Variants in LASP1 observed in about 807,000 individuals in gnomAD.
LASP1 encodes LIM and SH3 protein 1.
A neutral mutation model predicts 38.6 loss-of-function variants in LASP1; 10 were observed. The observed-to-expected ratio is 0.26, with a 90% CI of 0.16 to 0.44. The LOEUF is 0.44. LASP1 is among the 20% of genes least tolerant of loss of function. The pLI is 1.00. For missense variants in LASP1, 243 were observed against 375.7 expected, an observed-to-expected ratio of 0.65 and a Z score of 2.92; for synonymous variants, 132 against 140.8, an observed-to-expected ratio of 0.94 and a Z score of 0.44.
intron 4 of LASP1, among the ~76,000 whole-genome samples, chr17:38,908,051 G>T (rs1914821277): frequency 6.6e-6 from 1 of 152,240 alleles, no homozygotes; most frequent in African/African-American, 2.4e-5. Flanking sequence ...GTGGGGTCCA[G>T]ACCTGCTCTC....
At chr17:38,917,905 G>A (rs1240028877) in intron 6 of LASP1, among the ~76,000 whole-genome samples, 3 of 152,042 alleles carry the variant, frequency 2.0e-5, no homozygotes, top group East Asian at 3.9e-4. Flanking sequence ...TTGGGAGGCC[G>A]AGGCGAGCGG....
chr17:38,897,227 A>G (rs751694201), intron 3 of LASP1, among the ~76,000 whole-genome samples: 1 of 152,236 alleles, frequency 6.6e-6, no homozygotes, highest in South Asian at 2.1e-4. Context: ...TCAGGAGACA[A>G]ACAAGGACTC....
rs890476472 is a variant in LASP1, at chr17:38,920,271, G to T, written c.*1493G>T. 12 of 424,910 alleles carry T rather than the reference G, an allele frequency of 2.8e-5. No homozygotes were observed. Among genetic ancestry groups the T allele is most frequent in the Middle Eastern group, 3.9e-4 (1 of 2,574 alleles). The allele number at this position is 424,910 out of a possible 1,614,324, so 26.3% of individuals were successfully genotyped here. A position where few individuals can be genotyped will look rare whatever the true frequency, so the allele number is the denominator to read the frequency against. On this transcript the variant is annotated 3_prime_UTR_variant, in exon 7 of 7. Coordinates refer to ENST00000318008, the MANE Select transcript of LASP1 (RefSeq NM_006148.4). ...GGGTGGCAGAAGTGTCACCCTGTGG[G>T]TGTCTCCCTCGGGGGCTCTTCCCCT...
At chr17:38,892,959 ATGTG>A (rs143191073) in intron 3 of LASP1, among the ~76,000 whole-genome samples, 4 of 151,370 alleles carry the variant, frequency 2.6e-5, no homozygotes, top group African/African-American at 9.7e-5. Context: ...CCGTGTGTGT[ATGTG>A]TGTGTGTGTG....
chr17:38,870,096 T>G lies in LASP1; in HGVS notation c.-94T>G, dbSNP rs1000576485. 1.0e-5 allele frequency: 14 copies of G among 1,353,732 alleles called. No homozygotes were observed. Among genetic ancestry groups the G allele is most frequent in the Non-Finnish European group, 1.5e-5 (14 of 960,688 alleles). 83.9% of individuals were successfully genotyped at this position (1,353,732 alleles called of 1,614,324 possible). A position where few individuals can be genotyped will look rare whatever the true frequency, so the allele number is the denominator to read the frequency against. On this transcript the variant is annotated 5_prime_UTR_variant, in exon 1 of 7. Coordinates refer to ENST00000318008, the MANE Select transcript of LASP1 (RefSeq NM_006148.4). ...CTCCAGCCGCCGTCGCTGCTGCCTGTGTAGTTGCAGCCGCGGCCGCCTCCC... is the reference window on the plus strand; with the variant it reads ...CTCCAGCCGCCGTCGCTGCTGCCTGGGTAGTTGCAGCCGCGGCCGCCTCCC...
chr17:38,883,412 G>C (rs762258260), intron 2 of LASP1, among the ~76,000 whole-genome samples: 4 of 152,066 alleles, frequency 2.6e-5, no homozygotes, highest in Non-Finnish European at 5.9e-5. Flanking sequence ...AAAATAGGTG[G>C]AGCAGGAGTA....
intron 4 of LASP1, among the ~76,000 whole-genome samples, chr17:38,911,929 G>A (rs539099944): frequency 3.3e-5 from 5 of 152,278 alleles, no homozygotes; most frequent in African/African-American, 1.2e-4. Flanking sequence ...GCGTAGCTGG[G>A]ATTATAGGCG....
At position 38,920,194 on chromosome 17, in the gene LASP1, C is replaced by T. The variant is rs1915261033; in HGVS notation, c.*1416C>T. The stretch of plus-strand genomic sequence containing the variant: ...GCTGGGGCTAAGCGGTGGAGGAAGG[C>T]TCTGTCACTCCAGGCATATGTTTCC... On this transcript the variant is annotated 3_prime_UTR_variant, in exon 7 of 7. Transcript: ENST00000318008. 2.0e-6 allele frequency: 1 copy of T among 510,056 alleles called. No individual in the cohort carries two copies. The highest frequency in any genetic ancestry group is 3.8e-6 in the Non-Finnish European group (1 of 260,510). 31.6% of individuals were successfully genotyped at this position (510,056 alleles called of 1,614,324 possible). A position where few individuals can be genotyped will look rare whatever the true frequency, so the allele number is the denominator to read the frequency against.
intron 4 of LASP1, among the ~76,000 whole-genome samples, chr17:38,910,431 A>T (rs557208220): frequency 6.6e-6 from 1 of 152,210 alleles, no homozygotes; most frequent in African/African-American, 2.4e-5. Flanking sequence ...ATGAAATATT[A>T]TTCCTCTTTT....
chr17:38,884,161 G>A (rs906069868), intron 2 of LASP1, among the ~76,000 whole-genome samples: 3 of 151,956 alleles, frequency 2.0e-5, no homozygotes, highest in African/African-American at 2.4e-5. Context: ...TAGAAAGGGC[G>A]CTGGGCTTTC....
intron 3 of LASP1, chr17:38,896,901 G>T: frequency 4.1e-6 from 4 of 985,246 alleles, no homozygotes; most frequent in Non-Finnish European, 4.8e-6. Flanking sequence ...CTCTTTTACA[G>T]ATGAAGAAAC....
intron 1 of LASP1, among the ~76,000 whole-genome samples, chr17:38,871,659 C>T (rs1024532485): frequency 1.3e-4 from 20 of 151,922 alleles, no homozygotes; most frequent in African/African-American, 4.6e-4. Flanking sequence ...GACCTTTGGC[C>T]TCTGAGTCAG....
intron 4 of LASP1, among the ~76,000 whole-genome samples, chr17:38,912,164 AC>A (rs1914971107): frequency 6.6e-6 from 1 of 152,152 alleles, no homozygotes; most frequent in South Asian, 2.1e-4. Flanking sequence ...CTCAAAACCC[AC>A]CTGATATATG....
chr17:38,885,596 G>A (rs534738010), intron 2 of LASP1, among the ~76,000 whole-genome samples: 1 of 152,126 alleles, frequency 6.6e-6, no homozygotes, highest in Non-Finnish European at 1.5e-5. Context: ...TGGCCTATGG[G>A]ACAAAGGACA....
chr17:38,918,973 C>G lies in LASP1; in HGVS notation c.*195C>G. ...CGGGCTCCCTCCTCTGGCAGGCTTC[C>G]CCCTTGATCGACTTCTTGGTTTTCT... On this transcript the variant is annotated 3_prime_UTR_variant, in exon 7 of 7. Transcript: ENST00000318008. This position sits in a 1 kb window ranked among gnomAD's most constrained non-coding sequence, Gnocchi z 4.4. 1.6e-6 allele frequency: 1 copy of G among 641,318 alleles called. No homozygotes were observed. The highest frequency in any genetic ancestry group is 1.9e-5 in the South Asian group (1 of 51,426). The allele number at this position is 641,318 out of a possible 1,614,324, so 39.7% of individuals were successfully genotyped here.
Position 38,896,088 on chromosome 17 carries a change from A to AGGGGCAAGCACTTCTGCC in LASP1, c.250-2312_250-2311insTCTGCCGGGGCAAGCACT, listed in dbSNP as rs1555554952. On this transcript the variant is annotated intron_variant, in intron 3 of 6. Coordinates refer to ENST00000318008, the MANE Select transcript of LASP1 (RefSeq NM_006148.4). ...ACCCTGGTGAGCCATCCTAGACAAC[A>AGGGGCAAGCACTTCTGCC]GGGGCAAGCACTCCTGCCAGGGCAA... is the stretch of plus-strand genomic sequence containing the variant. Among the ~76,000 whole-genome samples, 139 of 151,506 alleles carry AGGGGCAAGCACTTCTGCC rather than the reference A, an allele frequency of 9.2e-4. 1 individual carries two copies. Among genetic ancestry groups the AGGGGCAAGCACTTCTGCC allele is most frequent in the African/African-American group, 3.2e-3 (134 of 41,362 alleles).
chr17:38,918,663 A>G lies in LASP1; in HGVS notation c.671A>G (p.Gln224Arg). 6.2e-7 allele frequency: 1 copy of G among 1,612,670 alleles called. No individual in the cohort carries two copies. Among genetic ancestry groups the G allele is most frequent in the Non-Finnish European group, 8.5e-7 (1 of 1,179,110 alleles). Residue 224 changes from glutamine (Q) to arginine (R), a missense_variant, in exon 7 of 7, where the codon CAG (glutamine) becomes CGG (arginine). This residue lies in a region of LASP1 where 165 missense variants were observed against 210.3 expected (regional missense o/e 0.78). Coordinates refer to ENST00000318008, the MANE Select transcript of LASP1 (RefSeq NM_006148.4). The surrounding 1 kb of genome is among the most constrained non-coding windows in gnomAD (Gnocchi z 4.4). ...GCCGACGAGGACGAGGTCTCCTTCC[A>G]GGACGGGGACACCATCGTCAACGTG... ...SAADEDEVSF[Q>R]DGDTIVNVQQ...
chr17:38,889,154 G>A (rs368836774), intron 2 of LASP1, among the ~76,000 whole-genome samples: 1 of 152,024 alleles, frequency 6.6e-6, no homozygotes, highest in Admixed American at 6.6e-5. Flanking sequence ...TTTTTGAGAC[G>A]TAGTCTGGCT....
In LASP1 at chr17:38,921,196, G is replaced by GGCTGGGCTGA. The variant is rs1259099789; in HGVS notation, c.*2421_*2430dup. ...CACAGAGCCCTGAGGGGCTGGGCTG[G>GGCTGGGCTGA]GCTGGGCTGAGCCCCTGGTCTTCTC... On this transcript the variant is annotated 3_prime_UTR_variant, in exon 7 of 7. Coordinates refer to ENST00000318008, the MANE Select transcript of LASP1 (RefSeq NM_006148.4). 3.0e-5 allele frequency: 7 copies of GGCTGGGCTGA among 229,574 alleles called. No individual in the cohort carries two copies. The highest frequency in any genetic ancestry group is 8.6e-6 in the Non-Finnish European group (1 of 115,740). The allele number at this position is 229,574 out of a possible 1,614,324, so 14.2% of individuals were successfully genotyped here.
Sources: allele counts gnomAD v4.1 joint callset (sites outside exome capture counted in the v4.1 genomes callset), GRCh38; gene constraint gnomAD v4.1.1; regional missense constraint gnomAD v4.1.1; non-coding constraint Gnocchi (gnomAD v3.1); transcripts MANE v1.5; gene names NCBI Gene and HGNC (gene_info 2026-07-23, HGNC 2026-07-21).